Variants in FMNL2 observed in about 807,000 individuals in gnomAD.
FMNL2 encodes formin like 2.
In FMNL2, 51 loss-of-function variants were observed where a neutral mutation model predicts 130.2. The observed-to-expected ratio is 0.39, with a 90% confidence interval of 0.31 to 0.49. FMNL2 has a LOEUF of 0.49. Among genes scored for constraint, FMNL2 ranks in the 20% least tolerant of loss-of-function variants. The pLI is 0.85. For missense variants in FMNL2, 977 were observed against 1,316.2 expected (o/e 0.74, Z 3.99); for synonymous variants, 465 against 467.1 (o/e 1.00, Z 0.06).
At chr2:152,551,510 T>C (rs1250132654) in intron 4 of FMNL2, among the ~76,000 whole-genome samples, 2 of 152,248 alleles carry the variant, frequency 1.3e-5, no homozygotes, top group African/African-American at 2.4e-5. Context: ...CACAACCAGA[T>C]TGTGACCATC....
intron 6 of FMNL2, among the ~76,000 whole-genome samples, chr2:152,565,806 G>T (rs549004579): frequency 5.1e-4 from 78 of 152,174 alleles, no homozygotes; most frequent in African/African-American, 1.8e-3. Context: ...TTGAGATGGG[G>T]TCTTGTTCTG....
At chr2:152,553,797 T>C (rs1029487389) in intron 4 of FMNL2, among the ~76,000 whole-genome samples, 5 of 151,944 alleles carry the variant, frequency 3.3e-5, no homozygotes, top group Admixed American at 1.3e-4. Flanking sequence ...AAAATATTCT[T>C]CAAATCCAAA....
chr2:152,595,615 G>A (rs544945693), intron 9 of FMNL2, among the ~76,000 whole-genome samples: 75 of 152,230 alleles, frequency 4.9e-4, no homozygotes, highest in Admixed American at 1.0e-3. Flanking sequence ...CACCATGCCC[G>A]GCCCATGATT....
intron 1 of FMNL2, among the ~76,000 whole-genome samples, chr2:152,504,568 G>A (rs1199240539): frequency 6.6e-6 from 1 of 152,106 alleles, no homozygotes; most frequent in Non-Finnish European, 1.5e-5. Flanking sequence ...TTAAAAACCT[G>A]TTTAGTGTCT....
rs1374036296 is a variant in FMNL2 at position 152,648,738 on chromosome 2, G to A, written c.*833G>A. On this transcript the variant is annotated 3_prime_UTR_variant, in exon 26 of 26. Transcript: ENST00000288670. ...CTAGCTCTATCAACAAGCATTCAAG[G>A]TTACATCTGCTAGCAGAGTAGTGTT... 2 of 152,574 alleles carry A rather than the reference G, an allele frequency of 1.3e-5. No homozygotes were observed. The highest frequency in any genetic ancestry group is 2.9e-5 in the Non-Finnish European group (2 of 68,030). 9.5% of individuals were successfully genotyped at this position (152,574 alleles called of 1,614,324 possible).
intron 12 of FMNL2, among the ~76,000 whole-genome samples, chr2:152,616,646 T>A (rs1183239282): frequency 2.6e-5 from 4 of 152,158 alleles, no homozygotes; most frequent in African/African-American, 9.7e-5. Flanking sequence ...CATAGTTTGG[T>A]CAAACCAAGC....
intron 9 of FMNL2, among the ~76,000 whole-genome samples, chr2:152,589,969 A>ATGTATG (rs1222502469): frequency 1.6e-4 from 5 of 30,438 alleles, no homozygotes; most frequent in Non-Finnish European, 2.9e-4. Context: ...ATATATATAT[A>ATGTATG]TATATATATA....
chr2:152,389,030 C>T (rs16831034), intron 1 of FMNL2, among the ~76,000 whole-genome samples: 12,208 of 148,530 alleles, frequency 0.082, 530 homozygotes, highest in African/African-American at 0.1. Context: ...AATGTCAAGG[C>T]TTCTTTTTGG....
intron 1 of FMNL2, among the ~76,000 whole-genome samples, chr2:152,437,690 C>T (rs898020310): frequency 6.6e-6 from 1 of 152,184 alleles, no homozygotes; most frequent in Non-Finnish European, 1.5e-5. Context: ...TGGTGACTCT[C>T]ATGGCTAGGA....
Position 152,611,522 on chromosome 2 carries a change from G to A in FMNL2, c.979G>A (p.Val327Ile). The A allele has an allele frequency of 1.9e-6, 3 of 1,595,728 alleles. No homozygotes were observed. Among genetic ancestry groups the A allele is most frequent in the Admixed American group, 1.7e-5 (1 of 57,438 alleles). ...MVASMQFINI[V>I]VHSVEDMNFR... ...GGCTTCTATGCAGTTTATTAATATT[G>A]TAGTCCATTCAGTAGAAGATATGAA... The change falls in exon 11 of 26, where the codon GTA becomes ATA. Residue 327 changes from valine to isoleucine, a missense_variant. By Grantham distance (29) the Val-to-Ile change is conservative. Transcript: ENST00000288670.
intron 6 of FMNL2, among the ~76,000 whole-genome samples, chr2:152,572,787 A>C (rs1157071963): frequency 6.7e-6 from 1 of 149,454 alleles, no homozygotes; most frequent in African/African-American, 2.5e-5. Flanking sequence ...AGCTGAATTC[A>C]AAACCTGTTT....
At chr2:152,469,801 A>T (rs1689757182) in intron 1 of FMNL2, among the ~76,000 whole-genome samples, 2 of 152,184 alleles carry the variant, frequency 1.3e-5, no homozygotes, top group African/African-American at 4.8e-5. Flanking sequence ...CCCACCTTGT[A>T]AAATGGGAGC....
At chr2:152,510,882 G>A (rs1692464527) in intron 1 of FMNL2, among the ~76,000 whole-genome samples, 1 of 152,200 alleles carries the variant, frequency 6.6e-6, no homozygotes, top group Admixed American at 6.5e-5. Context: ...TGATAAACAC[G>A]TGTTGTGGTG....
intron 21 of FMNL2, among the ~76,000 whole-genome samples, chr2:152,636,226 G>A (rs536431850): frequency 6.6e-6 from 1 of 152,308 alleles, no homozygotes; most frequent in South Asian, 2.1e-4. Context: ...TGATGCAAAT[G>A]AACTAGTGCA....
At chr2:152,433,466 T>A (rs932206868) in intron 1 of FMNL2, among the ~76,000 whole-genome samples, 1 of 141,814 alleles carries the variant, frequency 7.1e-6, no homozygotes. Context: ...TCAACCCAAC[T>A]TCTCTTCTCT....
intron 1 of FMNL2, among the ~76,000 whole-genome samples, chr2:152,465,894 C>A (rs940289483): frequency 8.5e-5 from 13 of 152,184 alleles, no homozygotes; most frequent in Non-Finnish European, 1.6e-4. Flanking sequence ...ATAAAAGCAT[C>A]AGTTTATGGT....
At chr2:152,452,633 C>T (rs901082854) in intron 1 of FMNL2, among the ~76,000 whole-genome samples, 1 of 152,050 alleles carries the variant, frequency 6.6e-6, no homozygotes, top group African/African-American at 2.4e-5. Context: ...TTCATATTCC[C>T]CCATCTGTGG....
intron 1 of FMNL2, among the ~76,000 whole-genome samples, chr2:152,471,719 G>A (rs568722762): frequency 3.3e-5 from 5 of 152,080 alleles, no homozygotes; most frequent in African/African-American, 4.8e-5. Flanking sequence ...GGCCTGTTAC[G>A]AGTTCGTTTG....
At chr2:152,342,376 C>A (rs1681860899) in intron 1 of FMNL2, among the ~76,000 whole-genome samples, 1 of 152,196 alleles carries the variant, frequency 6.6e-6, no homozygotes. Flanking sequence ...AAAGAAGGAA[C>A]AGCCTAGAGG....
Sources: allele counts gnomAD v4.1 joint callset (sites outside exome capture counted in the v4.1 genomes callset), GRCh38; gene constraint gnomAD v4.1.1; transcripts MANE v1.5; gene names NCBI Gene and HGNC (gene_info 2026-07-23, HGNC 2026-07-21).